Variants in KLHDC1 observed in about 807,000 individuals in gnomAD.
KLHDC1 encodes kelch domain-containing protein 1.
KLHDC1 carries 53 observed loss-of-function variants against 68.3 expected under a neutral mutation model. That is an observed-to-expected ratio of 0.78 (90% CI 0.62 to 0.98). KLHDC1 has a LOEUF of 0.98. KLHDC1 is among the 50% of genes least tolerant of loss of function. The pLI is 0.00. For missense variants in KLHDC1, 470 were observed against 492.3 expected, an observed-to-expected ratio of 0.95 and a Z score of 0.43; for synonymous variants, 148 against 159.0, an observed-to-expected ratio of 0.93 and a Z score of 0.52.
rs992092493 is a variant in KLHDC1, at chr14:49,711,910, C to CTTTTTTTTTTTTTTTTTTTT, written c.404+1537_404+1556dup. Among the ~76,000 whole-genome samples, 3 of 76,608 alleles carry CTTTTTTTTTTTTTTTTTTTT rather than the reference C, an allele frequency of 3.9e-5. 1 individual carries two copies. Among genetic ancestry groups the CTTTTTTTTTTTTTTTTTTTT allele is most frequent in the Non-Finnish European group, 5.3e-5 (2 of 37,468 alleles). 50.3% of individuals were successfully genotyped at this position (76,608 alleles called of 152,430 possible). The stretch of plus-strand genomic sequence containing the variant: ...TTATATGTCTTTCTTTTTTCTTTTT[C>CTTTTTTTTTTTTTTTTTTTT]TTTTTTTTTTTTTTTTTTTTTTTTT... On this transcript the variant is annotated intron_variant, in intron 4 of 12. Coordinates refer to ENST00000359332, the MANE Select transcript of KLHDC1 (RefSeq NM_172193.3).
At chr14:49,695,060 C>T (rs1887694585) in intron 1 of KLHDC1, among the ~76,000 whole-genome samples, 1 of 151,462 alleles carries the variant, frequency 6.6e-6, no homozygotes, top group South Asian at 2.1e-4. Context: ...ATGAAGTTTG[C>T]CACATTGAGC....
At chr14:49,718,201 T>C (rs778600964) in intron 4 of KLHDC1, among the ~76,000 whole-genome samples, 1 of 152,178 alleles carries the variant, frequency 6.6e-6, no homozygotes, top group Non-Finnish European at 1.5e-5. Context: ...GGTGTGGGTC[T>C]TTCCAGGAAG....
intron 1 of KLHDC1, among the ~76,000 whole-genome samples, chr14:49,699,150 C>T (rs1887828236): frequency 1.9e-5 from 2 of 104,156 alleles, no homozygotes. Flanking sequence ...GGTGATAGAG[C>T]AAGACTGTCT....
At chr14:49,693,346 C>A (rs1215122438) in intron 1 of KLHDC1, 56 bp downstream of exon 1, 67 of 1,218,126 alleles carry the variant, frequency 5.5e-5, no homozygotes, top group Non-Finnish European at 6.7e-5. Context: ...TCGGCCTGAG[C>A]GGACGCAGCG....
chr14:49,742,346 A>G (rs1359958499), intron 11 of KLHDC1, among the ~76,000 whole-genome samples: 1 of 152,212 alleles, frequency 6.6e-6, no homozygotes, highest in Non-Finnish European at 1.5e-5. Flanking sequence ...TATTCAAATA[A>G]TCTTCCAGAT....
intron 1 of KLHDC1, among the ~76,000 whole-genome samples, chr14:49,700,733 A>G (rs570558300): frequency 1.6e-4 from 24 of 152,378 alleles, no homozygotes; most frequent in African/African-American, 5.0e-4. Context: ...TCACAATACC[A>G]TAATAATTAG....
intron 12 of KLHDC1, among the ~76,000 whole-genome samples, chr14:49,746,395 C>G (rs1889199793): frequency 6.6e-6 from 1 of 151,950 alleles, no homozygotes; most frequent in South Asian, 2.1e-4. Flanking sequence ...TAGGACCTTA[C>G]TACATTTGAG....
At chr14:49,708,604 T>G (rs1390523149) in intron 1 of KLHDC1, 1 of 152,244 alleles carries the variant, frequency 6.6e-6, no homozygotes, top group Non-Finnish European at 1.5e-5. Context: ...TCATTTTGAC[T>G]AGTTAAATAT....
intron 11 of KLHDC1, among the ~76,000 whole-genome samples, chr14:49,742,926 G>A (rs1368844214): frequency 1.3e-5 from 2 of 151,706 alleles, no homozygotes; most frequent in African/African-American, 2.4e-5. Flanking sequence ...CTCTACACCA[G>A]CTGGACGTGG....
intron 6 of KLHDC1, among the ~76,000 whole-genome samples, chr14:49,727,756 A>G (rs1264043252): frequency 6.6e-6 from 1 of 152,192 alleles, no homozygotes; most frequent in Non-Finnish European, 1.5e-5. Context: ...TATATAGGTA[A>G]TATCTGAATT....
At chr14:49,738,530 A>G (rs1180101677) in intron 10 of KLHDC1, among the ~76,000 whole-genome samples, 1 of 151,578 alleles carries the variant, frequency 6.6e-6, no homozygotes, top group Non-Finnish European at 1.5e-5. Flanking sequence ...TTTTATTTTT[A>G]GTAGAGATGG....
intron 12 of KLHDC1, among the ~76,000 whole-genome samples, chr14:49,745,547 A>G (rs1325229617): frequency 6.6e-6 from 1 of 152,238 alleles, no homozygotes; most frequent in Non-Finnish European, 1.5e-5. Flanking sequence ...AAATTGCCTT[A>G]AGAGAAACAT....
chr14:49,715,781 T>A (rs867423306), intron 4 of KLHDC1, among the ~76,000 whole-genome samples: 5 of 141,038 alleles, frequency 3.5e-5, no homozygotes, highest in African/African-American at 1.3e-4. Context: ...TATATATATA[T>A]AATAAAAGAT....
intron 1 of KLHDC1, among the ~76,000 whole-genome samples, chr14:49,695,116 A>ATGTGTGTGTGTGTGTGTGTGTGTGTG (rs71115393): frequency 2.1e-5 from 3 of 142,094 alleles, no homozygotes; most frequent in African/African-American, 7.9e-5. Flanking sequence ...TGCAGTTTTG[A>ATGTGTGTGTGTGTGTGTGTGTGTGTG]TGTGTGTGTG....
chr14:49,711,910 C>CTTTTTTTTTTTTTTTTTT lies in KLHDC1; in HGVS notation c.404+1539_404+1556dup, dbSNP rs992092493. Among the ~76,000 whole-genome samples, 56 of 76,610 alleles carry CTTTTTTTTTTTTTTTTTT rather than the reference C, an allele frequency of 7.3e-4. 3 individuals carry two copies. Among genetic ancestry groups the CTTTTTTTTTTTTTTTTTT allele is most frequent in the Non-Finnish European group, 8.5e-4 (32 of 37,470 alleles). The allele number at this position is 76,610 out of a possible 152,430, so 50.3% of individuals were successfully genotyped here. A position where few individuals can be genotyped will look rare whatever the true frequency, so the allele number is the denominator to read the frequency against. ...TTATATGTCTTTCTTTTTTCTTTTT[C>CTTTTTTTTTTTTTTTTTT]TTTTTTTTTTTTTTTTTTTTTTTTT... On this transcript the variant is annotated intron_variant, in intron 4 of 12. Coordinates refer to ENST00000359332, the MANE Select transcript of KLHDC1 (RefSeq NM_172193.3).
chr14:49,714,106 C>G (rs1888305743), intron 4 of KLHDC1, among the ~76,000 whole-genome samples: 1 of 150,584 alleles, frequency 6.6e-6, no homozygotes, highest in Non-Finnish European at 1.5e-5. Flanking sequence ...CTTGGCCTGC[C>G]AAAGTGCTGG....
chr14:49,738,057 C>T (rs1888973259), intron 10 of KLHDC1, among the ~76,000 whole-genome samples: 1 of 151,936 alleles, frequency 6.6e-6, no homozygotes, highest in Non-Finnish European at 1.5e-5. Context: ...GAGATGGAGT[C>T]TCGCTCTGTC....
intron 1 of KLHDC1, chr14:49,708,414 A>G (rs1888116067): frequency 6.6e-6 from 1 of 152,250 alleles, no homozygotes; most frequent in Non-Finnish European, 1.5e-5. Flanking sequence ...TTGAACTATT[A>G]TATAGATTCT....
At chr14:49,731,903 G>A (rs1888818712) in intron 8 of KLHDC1, among the ~76,000 whole-genome samples, 1 of 152,016 alleles carries the variant, frequency 6.6e-6, no homozygotes, top group Non-Finnish European at 1.5e-5. Context: ...ATCTGGAATG[G>A]CTTTCATGCT....
Sources: allele counts gnomAD v4.1 joint callset (sites outside exome capture counted in the v4.1 genomes callset), GRCh38; gene constraint gnomAD v4.1.1; transcripts MANE v1.5; gene names NCBI Gene and HGNC (gene_info 2026-07-23, HGNC 2026-07-21).